Variants in SMAP1 observed in about 807,000 individuals in gnomAD.
The protein encoded by SMAP1 is small ArfGAP 1, also known as stromal membrane-associated protein 1.
SMAP1 carries 24 observed loss-of-function variants against 58.5 expected under a neutral mutation model. The ratio of observed to expected loss-of-function variants is 0.41; its 90% CI spans 0.30 to 0.58. SMAP1 has a LOEUF of 0.58. SMAP1 is among the 20% of genes least tolerant of loss of function. SMAP1 has a pLI of 0.29. For missense variants in SMAP1, 563 were observed against 566.3 expected, an observed-to-expected ratio of 0.99 and a Z score of 0.06; for synonymous variants, 216 against 196.6, an observed-to-expected ratio of 1.10 and a Z score of -0.82.
chr6:70,680,840 T>C (rs1473762958), intron 1 of SMAP1, among the ~76,000 whole-genome samples: 2 of 147,610 alleles, frequency 1.4e-5, no homozygotes, highest in Non-Finnish European at 3.0e-5. Flanking sequence ...TACCTCAGCC[T>C]CTCAAGTAGC....
intron 6 of SMAP1, among the ~76,000 whole-genome samples, chr6:70,826,644 TA>T (rs1396160905): frequency 6.6e-6 from 1 of 152,068 alleles, no homozygotes; most frequent in Non-Finnish European, 1.5e-5. Flanking sequence ...TAGTCCCAGC[TA>T]CCTGGGAGGC....
intron 1 of SMAP1, among the ~76,000 whole-genome samples, chr6:70,676,205 T>G (rs761993267): frequency 6.6e-6 from 1 of 152,224 alleles, no homozygotes; most frequent in East Asian, 1.9e-4. Flanking sequence ...ATCATAACGA[T>G]GAGTACAACT....
chr6:70,715,613 G>A (rs754669046), intron 1 of SMAP1, among the ~76,000 whole-genome samples: 4 of 152,192 alleles, frequency 2.6e-5, no homozygotes, highest in South Asian at 2.1e-4. Flanking sequence ...TGGCACCAGC[G>A]ACTGGTCTTG....
intron 2 of SMAP1, among the ~76,000 whole-genome samples, chr6:70,754,389 A>T (rs950243551): frequency 2.0e-5 from 3 of 152,062 alleles, no homozygotes; most frequent in Non-Finnish European, 4.4e-5. Flanking sequence ...GTTTCTATGA[A>T]CTGAACTTAT....
At position 70,853,564 on chromosome 6, in the gene SMAP1, ATTG is replaced by A. The variant is rs555932454; in HGVS notation, c.789+903_789+905del. On this transcript the variant is annotated intron_variant, in intron 8 of 10. Coordinates refer to ENST00000370455, the MANE Select transcript of SMAP1 (RefSeq NM_001044305.3). Reference sequence around the variant, plus strand: ...GAACATATTTCTGTTGCACATATTTATTGTTATTATGATAGTCATTATATAGTT... The same window carrying A: ...GAACATATTTCTGTTGCACATATTTATTATTATGATAGTCATTATATAGTT... Among the ~76,000 whole-genome samples, 270 of 152,310 alleles carry A rather than the reference ATTG, an allele frequency of 1.8e-3. 1 individual carries two copies. Among genetic ancestry groups the A allele is most frequent in the Non-Finnish European group, 3.2e-3 (220 of 68,022 alleles).
intron 3 of SMAP1, among the ~76,000 whole-genome samples, chr6:70,766,005 T>A (rs1419859458): frequency 6.6e-6 from 1 of 151,606 alleles, no homozygotes; most frequent in Admixed American, 6.6e-5. Flanking sequence ...GTTTGGTTTT[T>A]TGTTCTTGCG....
chr6:70,845,574 T>G (rs1183154310), intron 7 of SMAP1, among the ~76,000 whole-genome samples: 5 of 152,244 alleles, frequency 3.3e-5, no homozygotes, highest in Admixed American at 3.3e-4. Flanking sequence ...ATCTAATGTT[T>G]TACGGACATC....
intron 3 of SMAP1, among the ~76,000 whole-genome samples, chr6:70,756,585 G>C (rs1766500341): frequency 6.6e-6 from 1 of 152,028 alleles, no homozygotes; most frequent in South Asian, 2.1e-4. Context: ...AAGCTTGGAA[G>C]GTATTTTGGT....
chr6:70,805,383 T>C (rs764777448), intron 6 of SMAP1, among the ~76,000 whole-genome samples: 1 of 152,200 alleles, frequency 6.6e-6, no homozygotes, highest in Non-Finnish European at 1.5e-5. Flanking sequence ...ACACTGTTTA[T>C]TCTAGTTAGC....
intron 6 of SMAP1, among the ~76,000 whole-genome samples, chr6:70,832,150 C>T (rs1040813445): frequency 3.9e-5 from 6 of 152,098 alleles, no homozygotes; most frequent in African/African-American, 1.4e-4. Flanking sequence ...CTTATAGATT[C>T]TGAAGATTAG....
chr6:70,779,277 C>A (rs1261951856), intron 4 of SMAP1, among the ~76,000 whole-genome samples: 3 of 152,148 alleles, frequency 2.0e-5, no homozygotes. Flanking sequence ...GGGAAGATGT[C>A]AAGTGATGTT....
intron 1 of SMAP1, among the ~76,000 whole-genome samples, chr6:70,688,532 T>C (rs1210707767): frequency 6.6e-6 from 1 of 152,214 alleles, no homozygotes; most frequent in Non-Finnish European, 1.5e-5. Context: ...CAATTTGGAT[T>C]CTCCTAGTGG....
chr6:70,757,292 G>A (rs1329187014), intron 3 of SMAP1, among the ~76,000 whole-genome samples: 48 of 149,372 alleles, frequency 3.2e-4, no homozygotes, highest in Middle Eastern at 3.5e-3. Context: ...TTAATAAATG[G>A]TGCTGGGAAA....
intron 2 of SMAP1, among the ~76,000 whole-genome samples, chr6:70,738,884 A>G (rs1419134193): frequency 6.6e-6 from 1 of 152,198 alleles, no homozygotes; most frequent in Admixed American, 6.5e-5. Context: ...GAAAGTGGCT[A>G]AGTACATTAA....
intron 8 of SMAP1, among the ~76,000 whole-genome samples, chr6:70,854,030 C>T (rs1054871793): frequency 6.6e-6 from 1 of 152,144 alleles, no homozygotes; most frequent in Admixed American, 6.5e-5. Flanking sequence ...GTGTTCTGTT[C>T]TGTATTAAAG....
At chr6:70,843,144 C>CCA (rs1479912189) in intron 7 of SMAP1, among the ~76,000 whole-genome samples, 1 of 150,916 alleles carries the variant, frequency 6.6e-6, no homozygotes, top group African/African-American at 2.4e-5. Flanking sequence ...TTTTACACAC[C>CCA]CACACACACT....
At chr6:70,727,020 G>T (rs1415055082) in intron 1 of SMAP1, among the ~76,000 whole-genome samples, 1 of 149,644 alleles carries the variant, frequency 6.7e-6, no homozygotes, top group Non-Finnish European at 1.5e-5. Flanking sequence ...CTTCAAGATG[G>T]GGGGGGCACT....
At chr6:70,828,294 T>C (rs541494427) in intron 6 of SMAP1, among the ~76,000 whole-genome samples, 1 of 152,286 alleles carries the variant, frequency 6.6e-6, no homozygotes, top group East Asian at 1.9e-4. Flanking sequence ...AAGATTTCAG[T>C]AGGTAATCAG....
intron 4 of SMAP1, among the ~76,000 whole-genome samples, chr6:70,778,876 G>T (rs1424894946): frequency 1.3e-5 from 2 of 152,198 alleles, no homozygotes; most frequent in Non-Finnish European, 2.9e-5. Context: ...CTCTGGGCTG[G>T]GTGTGTGGGC....
Sources: gnomAD v4.1 joint callset for allele counts (sites outside exome capture counted in the v4.1 genomes callset) on GRCh38, gnomAD v4.1.1 for gene constraint, MANE v1.5 for transcripts, NCBI Gene and HGNC (gene_info 2026-07-23, HGNC 2026-07-21) for gene names.